Variants in DIP2C observed in about 807,000 individuals in gnomAD.
DIP2C encodes the protein DIP2 acetate--CoA ligase C (putative).
In DIP2C, 33 loss-of-function variants were observed where a neutral mutation model predicts 192.4. The observed-to-expected ratio is 0.17, with a 90% CI of 0.13 to 0.23. The LOEUF (loss-of-function observed/expected upper bound fraction) is 0.23. Ranked by LOEUF, DIP2C falls within the 10% of genes least tolerant of loss-of-function variation. DIP2C has a pLI of 1.00. For synonymous variants in DIP2C, 979 were observed against 864.1 expected, an observed-to-expected ratio of 1.13 and a Z score of -2.33; for missense variants, 1,537 against 2,110.1, an observed-to-expected ratio of 0.73 and a Z score of 5.32.
intron 1 of DIP2C, among the ~76,000 whole-genome samples, chr10:678,321 C>T (rs1000881399): frequency 6.6e-6 from 1 of 152,046 alleles, no homozygotes; most frequent in East Asian, 1.9e-4. Flanking sequence ...AAAAGAGTAT[C>T]GACTAAAAGG....
At chr10:675,672 G>A (rs1405444912) in intron 1 of DIP2C, among the ~76,000 whole-genome samples, 1 of 152,050 alleles carries the variant, frequency 6.6e-6, no homozygotes, top group African/African-American at 2.4e-5. Flanking sequence ...AAAACCTAGA[G>A]GAAATCGATA....
intron 29 of DIP2C, among the ~76,000 whole-genome samples, chr10:331,694 T>C (rs1345437766): frequency 6.6e-6 from 1 of 152,222 alleles, no homozygotes; most frequent in Non-Finnish European, 1.5e-5. Context: ...CGCTCTTTGC[T>C]TTCTGCAGTG....
intron 1 of DIP2C, among the ~76,000 whole-genome samples, chr10:509,352 C>T (rs1353406177): frequency 6.6e-6 from 1 of 152,174 alleles, no homozygotes; most frequent in Non-Finnish European, 1.5e-5. Flanking sequence ...AGGAGCTTGT[C>T]CAAGACCAGC....
intron 31 of DIP2C, among the ~76,000 whole-genome samples, chr10:311,116 G>A (rs1008267313): frequency 6.6e-6 from 1 of 152,028 alleles, no homozygotes; most frequent in African/African-American, 2.4e-5. Context: ...AAAAAGAACA[G>A]CACATGCGAG....
At chr10:348,583 G>C (rs1486297787) in intron 26 of DIP2C, 58 bp downstream of exon 26, 1 of 1,581,528 alleles carries the variant, frequency 6.3e-7, no homozygotes, top group Non-Finnish European at 8.6e-7. Context: ...TCTGCGCGTT[G>C]CAAGCTCCAC....
chr10:299,885 T>C (rs1955936425), intron 32 of DIP2C, among the ~76,000 whole-genome samples: 1 of 152,072 alleles, frequency 6.6e-6, no homozygotes, highest in African/African-American at 2.4e-5. Flanking sequence ...AAAGAAGGTA[T>C]ACAAATAGCC....
chr10:513,155 C>T (rs1189251467), intron 1 of DIP2C, among the ~76,000 whole-genome samples: 1 of 143,826 alleles, frequency 7.0e-6, no homozygotes, highest in African/African-American at 2.5e-5. Flanking sequence ...AATATTTTAG[C>T]ATACTGGCAG....
intron 1 of DIP2C, among the ~76,000 whole-genome samples, chr10:504,098 G>A (rs1845427159): frequency 6.6e-6 from 1 of 152,200 alleles, no homozygotes; most frequent in African/African-American, 2.4e-5. Flanking sequence ...GACACACACA[G>A]GTGGTAACTG....
At chr10:511,166 T>C (rs1388830076) in intron 1 of DIP2C, among the ~76,000 whole-genome samples, 1 of 152,190 alleles carries the variant, frequency 6.6e-6, no homozygotes, top group African/African-American at 2.4e-5. Flanking sequence ...CTGAACACAC[T>C]GTCGCGATGC....
rs562777961 is a variant in DIP2C at position 505,110 on chromosome 10, C to T, written c.86-18580G>A. On this transcript the variant is annotated intron_variant, in intron 1 of 36. Transcript: ENST00000280886. ...TGCAGCCCAGCACCCTTCCCGGAAC[C>T]GTGTGCATCTCCCCAAAAGAAAACT... Among the ~76,000 whole-genome samples the T allele has an allele frequency of 2.6e-4, 39 of 152,300 alleles. No individual in the cohort carries two copies. The South Asian group carries it at 7.5e-3, about 29-fold the overall frequency.
intron 14 of DIP2C, 126 bp from the exon 15 acceptor site, chr10:384,765 C>CATT (rs1470779623): frequency 3.4e-6 from 3 of 888,458 alleles, no homozygotes; most frequent in Non-Finnish European, 5.3e-6. Context: ...CTGCAGACAC[C>CATT]ATGCACACAG....
chr10:680,395 C>G (rs920597158), intron 1 of DIP2C, among the ~76,000 whole-genome samples: 70 of 152,204 alleles, frequency 4.6e-4, no homozygotes, highest in Non-Finnish European at 1.8e-4. Context: ...TCGGCAGCTG[C>G]TCTTCAATGT....
chr10:650,299 A>C (rs1434950086), intron 1 of DIP2C: 1 of 716,816 alleles, frequency 1.4e-6, no homozygotes, highest in Admixed American at 2.0e-5. Flanking sequence ...AGGGCCAGGG[A>C]CCATGGTGCC....
intron 1 of DIP2C, among the ~76,000 whole-genome samples, chr10:603,459 T>TA (rs1852242522): frequency 6.6e-6 from 1 of 152,078 alleles, no homozygotes; most frequent in African/African-American, 2.4e-5. Flanking sequence ...GTTTTAATCC[T>TA]AACACGTCAT....
intron 1 of DIP2C, among the ~76,000 whole-genome samples, chr10:648,258 C>T (rs11594223): frequency 0.01 from 1,113 of 109,024 alleles, 30 homozygotes; most frequent in Middle Eastern, 0.059. Flanking sequence ...GGACGGTGGG[C>T]GAGAACAAAG....
chr10:688,394 C>T (rs982943449), intron 1 of DIP2C, among the ~76,000 whole-genome samples: 25 of 152,292 alleles, frequency 1.6e-4, no homozygotes, highest in Non-Finnish European at 3.2e-4. Flanking sequence ...CTTCTTTGCC[C>T]TGAAAGTGTT....
chr10:650,452 C>G, intron 1 of DIP2C: 1 of 708,394 alleles, frequency 1.4e-6, no homozygotes, highest in East Asian at 2.7e-5. Flanking sequence ...GGTAGGTGAC[C>G]CGGTTATCGT....
Position 356,459 on chromosome 10 carries a change from CG to C in DIP2C, c.2951del (p.Pro984ArgfsTer15). 1.9e-6 allele frequency: 3 copies of C among 1,612,086 alleles called. No homozygotes were observed. ...TGAGCAGCGTGTAGAGGATGTGGTC[CG>C]GGGTGGTCTGTGCTCTCCACTGCAA... ...EVLQWRAQTT[P>X]DHILYTLLNC... On this transcript the variant is annotated frameshift_variant, in exon 24 of 37. Coordinates refer to ENST00000280886, the MANE Select transcript of DIP2C (RefSeq NM_014974.3). LOFTEE classifies it high-confidence loss of function.
At chr10:620,476 C>T (rs753645867) in intron 1 of DIP2C, among the ~76,000 whole-genome samples, 8 of 152,166 alleles carry the variant, frequency 5.3e-5, no homozygotes, top group African/African-American at 7.2e-5. Flanking sequence ...GGGGCAGATA[C>T]GGAGGGAGAA....
Sources: gnomAD v4.1 joint callset for allele counts (sites outside exome capture counted in the v4.1 genomes callset) on GRCh38, gnomAD v4.1.1 for gene constraint, MANE v1.5 for transcripts, NCBI Gene and HGNC (gene_info 2026-07-23, HGNC 2026-07-21) for gene names.